The following ZNF536 variants were observed in gnomAD, a reference collection of about 807,000 sequenced individuals.
ZNF536 encodes zinc finger protein 536.
Under a neutral mutation model 84.5 loss-of-function variants are expected in ZNF536, and 13 were observed. That is an observed-to-expected ratio of 0.15 (90% CI 0.10 to 0.24). The LOEUF (loss-of-function observed/expected upper bound fraction) is 0.24, where lower values mean the gene tolerates loss of function less well. Among genes scored for constraint, ZNF536 ranks in the 10% least tolerant of loss-of-function variants. ZNF536 has a pLI of 1.00. For missense variants in ZNF536, 1,536 were observed against 1,747.5 expected, an observed-to-expected ratio of 0.88 and a Z score of 2.16; for synonymous variants, 811 against 742.5, an observed-to-expected ratio of 1.09 and a Z score of -1.50.
intron 2 of ZNF536, among the ~76,000 whole-genome samples, chr19:30,297,811 A>G (rs1015968549): frequency 6.6e-6 from 1 of 151,980 alleles, no homozygotes; most frequent in African/African-American, 2.4e-5. Context: ...GGCGCCAGGC[A>G]GCAGGAGCCC....
intron 1 of ZNF536, among the ~76,000 whole-genome samples, chr19:30,266,472 G>A (rs1256989479): frequency 1.3e-5 from 2 of 152,204 alleles, no homozygotes; most frequent in East Asian, 3.9e-4. Flanking sequence ...CCAAGGGAAC[G>A]GTTGGCATAT....
intron 2 of ZNF536, among the ~76,000 whole-genome samples, chr19:30,289,029 T>C (rs936867581): frequency 1.3e-5 from 2 of 152,174 alleles, no homozygotes; most frequent in Non-Finnish European, 2.9e-5. Flanking sequence ...GGTGGTGAGT[T>C]TCCTAAGCCA....
At chr19:30,627,357 G>A (rs2048718761) in intron 1 of ZNF536, among the ~76,000 whole-genome samples, 1 of 151,176 alleles carries the variant, frequency 6.6e-6, no homozygotes, top group Admixed American at 6.6e-5. Flanking sequence ...TGTAGTCCCA[G>A]CTAATCGGGA....
At chr19:30,602,940 C>T (rs531793591) in intron 1 of ZNF536, among the ~76,000 whole-genome samples, 7 of 152,290 alleles carry the variant, frequency 4.6e-5, no homozygotes, top group East Asian at 1.9e-4. Context: ...AGCTAGACTT[C>T]GGTACCCATC....
intron 1 of ZNF536, among the ~76,000 whole-genome samples, chr19:30,244,511 G>A (rs937216838): frequency 1.3e-5 from 2 of 152,210 alleles, no homozygotes; most frequent in Admixed American, 6.5e-5. Context: ...ACTTGGAGAA[G>A]CATGCTAATA....
At chr19:30,455,564 G>A (rs571770959) in intron 2 of ZNF536, among the ~76,000 whole-genome samples, 4 of 152,180 alleles carry the variant, frequency 2.6e-5, no homozygotes, top group Non-Finnish European at 4.4e-5. Context: ...TAGCCAGAGC[G>A]GTGGCATATG....
At chr19:30,467,212 C>A (rs2053449832) in intron 2 of ZNF536, among the ~76,000 whole-genome samples, 1 of 152,172 alleles carries the variant, frequency 6.6e-6, no homozygotes, top group Non-Finnish European at 1.5e-5. Context: ...TACCACCCAT[C>A]CATAGAACCC....
intron 1 of ZNF536, chr19:30,436,577 C>T (rs757094006): frequency 3.4e-6 from 3 of 884,570 alleles, no homozygotes; most frequent in Non-Finnish European, 4.1e-6. Context: ...GTTTAATGAC[C>T]CTGAAAAGGT....
chr19:30,458,337 C>T (rs575661562), intron 2 of ZNF536, among the ~76,000 whole-genome samples: 10 of 152,122 alleles, frequency 6.6e-5, no homozygotes, highest in African/African-American at 2.2e-4. Flanking sequence ...TCTCCTCTCC[C>T]TTCCTAAATG....
At chr19:30,401,738 A>G (rs1433488356) in intron 1 of ZNF536, among the ~76,000 whole-genome samples, 2 of 152,252 alleles carry the variant, frequency 1.3e-5, no homozygotes, top group Non-Finnish European at 1.5e-5. Context: ...AGATGAAAGG[A>G]AAAGCTAGAT....
chr19:30,240,568 C>T (rs2023872733), intron 1 of ZNF536, among the ~76,000 whole-genome samples: 1 of 152,196 alleles, frequency 6.6e-6, no homozygotes, highest in Non-Finnish European at 1.5e-5. Flanking sequence ...CATTGCTGCA[C>T]TGGCCTGACC....
chr19:30,260,377 C>G (rs1251401565), intron 1 of ZNF536, among the ~76,000 whole-genome samples: 2 of 152,162 alleles, frequency 1.3e-5, no homozygotes, highest in Non-Finnish European at 2.9e-5. Flanking sequence ...TTAGAGTTGT[C>G]TGTTTAGAGT....
intron 1 of ZNF536, among the ~76,000 whole-genome samples, chr19:30,627,037 G>A (rs907209548): frequency 6.6e-6 from 1 of 152,154 alleles, no homozygotes; most frequent in Non-Finnish European, 1.5e-5. Context: ...GAGGGTGGGG[G>A]CTCAATGACC....
intron 2 of ZNF536, among the ~76,000 whole-genome samples, chr19:30,511,526 C>G (rs1381237901): frequency 1.3e-5 from 2 of 152,132 alleles, no homozygotes; most frequent in African/African-American, 4.8e-5. Context: ...GGAACGAATT[C>G]AAGCAGTTGT....
At chr19:30,249,768 C>T (rs2024500830) in intron 1 of ZNF536, among the ~76,000 whole-genome samples, 1 of 152,194 alleles carries the variant, frequency 6.6e-6, no homozygotes, top group Non-Finnish European at 1.5e-5. Context: ...GTTGCTGTGG[C>T]CAAGCTATTG....
chr19:30,459,549 C>T (rs1206188924), intron 2 of ZNF536, among the ~76,000 whole-genome samples: 4 of 152,002 alleles, frequency 2.6e-5, no homozygotes, highest in Admixed American at 6.6e-5. Context: ...CAGGGTTTCA[C>T]CATATTGGCC....
In ZNF536 at chr19:30,674,003, T is replaced by C. The variant is rs531791994; in HGVS notation, c.170-36754T>C. Among the ~76,000 whole-genome samples, 231 of 152,348 alleles carry C rather than the reference T, an allele frequency of 1.5e-3. 1 individual carries two copies. Among genetic ancestry groups the C allele is most frequent in the African/African-American group, 5.0e-3 (208 of 41,584 alleles). On this transcript the variant is annotated intron_variant, in intron 1 of 1. Coordinates refer to the ZNF536 transcript ENST00000592773. ...CATCAGCTGTCAATAATTCCCCATT[T>C]GAATCCTTCAGATGGTCAGATTTAT...
chr19:30,428,437 T>G (rs149345191), intron 1 of ZNF536, among the ~76,000 whole-genome samples: 1 of 152,334 alleles, frequency 6.6e-6, no homozygotes, highest in African/African-American at 2.4e-5. Flanking sequence ...TAAGATACTG[T>G]ACACCTTCTT....
intron 1 of ZNF536, among the ~76,000 whole-genome samples, chr19:30,666,210 G>T (rs554043270): frequency 6.6e-6 from 1 of 152,302 alleles, no homozygotes; most frequent in African/African-American, 2.4e-5. Context: ...CTGAGCTTAG[G>T]CCCAGCCCTC....
Sources: allele counts gnomAD v4.1 joint callset (sites outside exome capture counted in the v4.1 genomes callset), GRCh38; gene constraint gnomAD v4.1.1; transcripts MANE v1.5; gene names NCBI Gene and HGNC (gene_info 2026-07-23, HGNC 2026-07-21).